The following NSMCE2 variants were observed in gnomAD, a reference collection of about 807,000 sequenced individuals.
NSMCE2 encodes NSE2 SUMO ligase component of SMC5/6 complex, also known as E3 SUMO-protein ligase NSE2.
Under a neutral mutation model 23.8 loss-of-function variants are expected in NSMCE2, and 24 were observed. That is an observed-to-expected ratio of 1.01 (90% CI 0.73 to 1.42). NSMCE2 has a LOEUF of 1.42. NSMCE2 is among the 40% of genes most tolerant of loss of function. The pLI is 0.00. For synonymous variants in NSMCE2, 92 were observed against 94.1 expected (o/e 0.98, Z 0.13); for missense variants, 284 against 296.5 (o/e 0.96, Z 0.31).
chr8:125,282,415 G>A (rs993891432), intron 5 of NSMCE2, among the ~76,000 whole-genome samples: 2 of 152,052 alleles, frequency 1.3e-5, no homozygotes, highest in East Asian at 3.9e-4. Flanking sequence ...CACCCGGCAA[G>A]ATCCCTTAAT....
chr8:125,246,569 C>T (rs918726915), intron 5 of NSMCE2, among the ~76,000 whole-genome samples: 7 of 152,126 alleles, frequency 4.6e-5, no homozygotes, highest in Admixed American at 2.6e-4. Flanking sequence ...TAAAGAAAGA[C>T]TCCTCCCTCC....
intron 5 of NSMCE2, among the ~76,000 whole-genome samples, chr8:125,209,559 G>A (rs988481800): frequency 6.6e-5 from 10 of 152,138 alleles, no homozygotes; most frequent in Non-Finnish European, 1.2e-4. Context: ...AGTACTTGAT[G>A]TAACTATATA....
intron 5 of NSMCE2, among the ~76,000 whole-genome samples, chr8:125,238,659 G>T (rs529020383): frequency 1.4e-4 from 21 of 151,968 alleles, no homozygotes; most frequent in Middle Eastern, 6.8e-3. Flanking sequence ...TGAATTTGTT[G>T]GGAATTTACC....
intron 3 of NSMCE2, among the ~76,000 whole-genome samples, chr8:125,107,032 A>G (rs182230162): frequency 6.6e-6 from 1 of 152,066 alleles, no homozygotes; most frequent in East Asian, 1.9e-4. Flanking sequence ...TCATTTTACC[A>G]TTAGCAACAA....
At chr8:125,299,011 T>TA (rs1158850416) in intron 5 of NSMCE2, among the ~76,000 whole-genome samples, 1 of 152,168 alleles carries the variant, frequency 6.6e-6, no homozygotes, top group Non-Finnish European at 1.5e-5. Context: ...ATACCCAAGG[T>TA]AGCACATTTC....
chr8:125,357,869 A>G (rs779676778), intron 7 of NSMCE2, 51 bp downstream of exon 7: 2 of 1,294,352 alleles, frequency 1.5e-6, no homozygotes, highest in South Asian at 2.4e-5. Context: ...GTAGTTACTC[A>G]GAGGTGGCGT....
chr8:125,117,572 C>A (rs1158643526), intron 3 of NSMCE2, among the ~76,000 whole-genome samples: 1 of 151,972 alleles, frequency 6.6e-6, no homozygotes, highest in Non-Finnish European at 1.5e-5. Flanking sequence ...TGGGGTCTTA[C>A]TCTGTCGCCC....
intron 5 of NSMCE2, among the ~76,000 whole-genome samples, chr8:125,232,219 C>G (rs569048530): frequency 6.6e-6 from 1 of 151,930 alleles, no homozygotes; most frequent in Non-Finnish European, 1.5e-5. Context: ...AAAAATCAGC[C>G]GGATGTGGTG....
chr8:125,120,567 T>G (rs1586461432), intron 3 of NSMCE2, among the ~76,000 whole-genome samples: 1 of 152,206 alleles, frequency 6.6e-6, no homozygotes, highest in South Asian at 2.1e-4. Flanking sequence ...GGTAAACTAG[T>G]TTCTTACGAT....
intron 5 of NSMCE2, among the ~76,000 whole-genome samples, chr8:125,272,141 G>A (rs1269568283): frequency 1.3e-5 from 2 of 151,016 alleles, no homozygotes; most frequent in African/African-American, 2.4e-5. Context: ...AGCCTCCCGA[G>A]TAGCTGGGAC....
chr8:125,271,856 T>C (rs1202822818), intron 5 of NSMCE2, among the ~76,000 whole-genome samples: 1 of 152,218 alleles, frequency 6.6e-6, no homozygotes, highest in Non-Finnish European at 1.5e-5. Context: ...CTTCAAAGAA[T>C]TCAGCAATAT....
intron 7 of NSMCE2, among the ~76,000 whole-genome samples, chr8:125,361,502 A>G (rs1813552649): frequency 6.6e-6 from 1 of 152,222 alleles, no homozygotes; most frequent in Non-Finnish European, 1.5e-5. Flanking sequence ...TGTGCTTGGA[A>G]TTCCTGTTTC....
intron 5 of NSMCE2, among the ~76,000 whole-genome samples, chr8:125,202,641 G>A (rs1042174766): frequency 2.6e-5 from 4 of 152,252 alleles, no homozygotes; most frequent in African/African-American, 9.6e-5. Flanking sequence ...TTTATAAACT[G>A]TCATATACTC....
At chr8:125,286,814 A>G (rs1586721729) in intron 5 of NSMCE2, among the ~76,000 whole-genome samples, 1 of 151,386 alleles carries the variant, frequency 6.6e-6, no homozygotes, top group African/African-American at 2.4e-5. Context: ...CCAATAGTTA[A>G]TTTCCAGCAA....
chr8:125,182,166 G>A lies in NSMCE2; in HGVS notation c.328G>A (p.Ala110Thr), dbSNP rs1373638107. Residue 110 changes from alanine (A) to threonine (T), a missense_variant, in exon 5 of 8, where the codon GCT becomes ACT. This residue lies in a region of NSMCE2 where 182 missense variants were observed against 155.5 expected (regional missense o/e 1.17). Coordinates refer to ENST00000287437, the MANE Select transcript of NSMCE2 (RefSeq NM_173685.4). ...ATTATTGGTAGAGAAGAAATTTTTGGCTTTACAGAGCAAGAATTCTGATGC... is the reference window on the plus strand; with the variant it reads ...ATTATTGGTAGAGAAGAAATTTTTGACTTTACAGAGCAAGAATTCTGATGC... ...LKLLVEKKFLALQSKNSDADF... is the reference protein window; with the variant it reads ...LKLLVEKKFLTLQSKNSDADF... 5 of 1,604,714 alleles carry A rather than the reference G, an allele frequency of 3.1e-6. No homozygotes were observed. Among genetic ancestry groups the A allele is most frequent in the Non-Finnish European group, 4.3e-6 (5 of 1,174,600 alleles).
At chr8:125,328,963 G>C (rs1031295704) in intron 5 of NSMCE2, among the ~76,000 whole-genome samples, 3 of 152,174 alleles carry the variant, frequency 2.0e-5, no homozygotes, top group African/African-American at 7.2e-5. Context: ...CCTGCATGAG[G>C]CCTGTCCCAT....
chr8:125,316,606 TTC>T (rs1178197635), intron 5 of NSMCE2, among the ~76,000 whole-genome samples: 20 of 146,036 alleles, frequency 1.4e-4, no homozygotes, highest in Admixed American at 7.2e-5. Flanking sequence ...CTTTCCTTCT[TTC>T]CTTTCTTTAT....
chr8:125,349,010 A>AACACACACACACAC (rs35429077), intron 5 of NSMCE2: 2 of 129,348 alleles, frequency 1.5e-5, no homozygotes, highest in East Asian at 2.4e-4. Flanking sequence ...CTCAAAGCAA[A>AACACACACACACAC]ACACACACAC....
At chr8:125,193,770 T>C (rs983486647) in intron 5 of NSMCE2, among the ~76,000 whole-genome samples, 1 of 152,234 alleles carries the variant, frequency 6.6e-6, no homozygotes, top group Non-Finnish European at 1.5e-5. Flanking sequence ...ACATGGCTGC[T>C]TTATCTTCAC....
Sources: allele counts gnomAD v4.1 joint callset (sites outside exome capture counted in the v4.1 genomes callset), GRCh38; gene constraint gnomAD v4.1.1; regional missense constraint gnomAD v4.1.1; transcripts MANE v1.5; gene names NCBI Gene and HGNC (gene_info 2026-07-23, HGNC 2026-07-21).